Variants in LRRC4C observed in about 807,000 individuals in gnomAD.
LRRC4C encodes leucine-rich repeat-containing protein 4C.
LRRC4C carries 5 observed loss-of-function variants against 33.6 expected under a neutral mutation model. The ratio of observed to expected loss-of-function variants is 0.15; its 90% CI spans 0.08 to 0.31. LRRC4C has a LOEUF of 0.31. LRRC4C is among the 10% of genes least tolerant of loss of function. The probability of loss-of-function intolerance (pLI) is 1.00; values close to 1 mark genes in which losing one functional copy is unlikely to be tolerated. For synonymous variants in LRRC4C, 329 were observed against 302.0 expected, an observed-to-expected ratio of 1.09 and a Z score of -0.93; for missense variants, 560 against 796.7, an observed-to-expected ratio of 0.70 and a Z score of 3.58.
chr11:40,195,821 T>G (rs531407753), intron 5 of LRRC4C, among the ~76,000 whole-genome samples: 1 of 152,256 alleles, frequency 6.6e-6, no homozygotes, highest in Non-Finnish European at 1.5e-5. Flanking sequence ...TATACATAAT[T>G]TCTTAGAACT....
At chr11:40,319,340 G>C (rs1311800256) in intron 4 of LRRC4C, among the ~76,000 whole-genome samples, 4 of 152,150 alleles carry the variant, frequency 2.6e-5, no homozygotes, top group African/African-American at 9.7e-5. Flanking sequence ...CTCCACACTA[G>C]AAATTTCACA....
chr11:40,923,055 C>T (rs1957256064), intron 2 of LRRC4C, among the ~76,000 whole-genome samples: 1 of 152,122 alleles, frequency 6.6e-6, no homozygotes. Flanking sequence ...AAACTCCTGA[C>T]CTCAGGTGAT....
At chr11:40,340,188 A>G (rs1444467896) in intron 3 of LRRC4C, among the ~76,000 whole-genome samples, 20 of 152,166 alleles carry the variant, frequency 1.3e-4, no homozygotes, top group Non-Finnish European at 4.4e-5. Flanking sequence ...ATTTTCCAGC[A>G]TACAAAAACT....
intron 1 of LRRC4C, among the ~76,000 whole-genome samples, chr11:41,083,432 T>G (rs1316001273): frequency 2.0e-5 from 3 of 152,104 alleles, no homozygotes; most frequent in Non-Finnish European, 2.9e-5. Context: ...AACAGAAACA[T>G]TACACCGACT....
At chr11:40,236,066 G>A (rs1865530988) in intron 5 of LRRC4C, among the ~76,000 whole-genome samples, 1 of 151,680 alleles carries the variant, frequency 6.6e-6, no homozygotes, top group Non-Finnish European at 1.5e-5. Flanking sequence ...ACGGCTCACA[G>A]TGGGCATGGA....
chr11:40,765,994 C>G (rs1949431950), intron 2 of LRRC4C, among the ~76,000 whole-genome samples: 1 of 150,892 alleles, frequency 6.6e-6, no homozygotes, highest in Non-Finnish European at 1.5e-5. Flanking sequence ...GAACACCAAA[C>G]AGATTTAGCC....
At position 40,693,829 on chromosome 11, in the gene LRRC4C, G is replaced by A. The variant is rs933020755; in HGVS notation, c.-406-45551C>T. Among the ~76,000 whole-genome samples the A allele has an allele frequency of 5.9e-5, 9 of 152,034 alleles. No homozygotes were observed. The East Asian group carries it at 7.7e-4, about 13-fold the overall frequency. On this transcript the variant is annotated intron_variant, in intron 2 of 6. Coordinates refer to ENST00000528697, the MANE Select transcript of LRRC4C (RefSeq NM_001258419.2). ...AAAAGGTGAGTTGGAATGACACAAC[G>A]ACATAGTCTATTCTCCACCAGGGAG...
intron 3 of LRRC4C, among the ~76,000 whole-genome samples, chr11:40,560,442 T>TTGTGTGTG (rs66917448): frequency 0.021 from 3,208 of 149,394 alleles, 96 homozygotes; most frequent in African/African-American, 0.058. Context: ...GTGCCTGTGT[T>TTGTGTGTG]TGTGTGTGTG....
intron 1 of LRRC4C, among the ~76,000 whole-genome samples, chr11:40,953,902 A>G (rs1403659991): frequency 6.6e-6 from 1 of 151,922 alleles, no homozygotes; most frequent in African/African-American, 2.4e-5. Context: ...GGAACACTGC[A>G]TAATAGTGTA....
At chr11:41,050,267 A>G (rs2138109684) in intron 1 of LRRC4C, among the ~76,000 whole-genome samples, 1 of 152,302 alleles carries the variant, frequency 6.6e-6, no homozygotes, top group East Asian at 1.9e-4. Context: ...GTGTTAGTAT[A>G]TCCCTTAAAC....
At chr11:40,350,480 T>C (rs1183589446) in intron 3 of LRRC4C, among the ~76,000 whole-genome samples, 3 of 152,064 alleles carry the variant, frequency 2.0e-5, no homozygotes, top group Admixed American at 2.0e-4. Flanking sequence ...TACAATGATG[T>C]TTTGGTTACT....
At chr11:40,628,477 CA>C (rs1476040217) in intron 3 of LRRC4C, among the ~76,000 whole-genome samples, 2 of 124,870 alleles carry the variant, frequency 1.6e-5, no homozygotes, top group Admixed American at 8.8e-5. Context: ...GACTCCATCT[CA>C]AAAAAACAAA....
chr11:40,381,814 C>T (rs949144940), intron 3 of LRRC4C, among the ~76,000 whole-genome samples: 3 of 152,060 alleles, frequency 2.0e-5, no homozygotes, highest in African/African-American at 7.2e-5. Flanking sequence ...CTGAAGGTAT[C>T]ACTGGCTTGC....
chr11:40,396,705 G>A (rs1007011996), intron 3 of LRRC4C, among the ~76,000 whole-genome samples: 1 of 151,988 alleles, frequency 6.6e-6, no homozygotes, highest in South Asian at 2.1e-4. Flanking sequence ...AATAATAAAG[G>A]AAATAACATA....
chr11:41,309,207 C>A (rs1591228864), intron 1 of LRRC4C, among the ~76,000 whole-genome samples: 1 of 152,142 alleles, frequency 6.6e-6, no homozygotes, highest in African/African-American at 2.4e-5. Flanking sequence ...ACGCAGCCCG[C>A]AGTGACAATG....
chr11:41,194,098 T>C (rs544638957), intron 1 of LRRC4C, among the ~76,000 whole-genome samples: 7 of 152,102 alleles, frequency 4.6e-5, no homozygotes, highest in Non-Finnish European at 8.8e-5. Flanking sequence ...CACTTTTATT[T>C]CATGAATTGT....
At chr11:40,559,128 C>G (rs182602133) in intron 3 of LRRC4C, among the ~76,000 whole-genome samples, 13 of 149,358 alleles carry the variant, frequency 8.7e-5, no homozygotes, top group Admixed American at 2.7e-4. Flanking sequence ...TAGGTTGATT[C>G]AATTTGTTTG....
chr11:40,262,789 C>G (rs1365014117), intron 4 of LRRC4C, among the ~76,000 whole-genome samples: 2 of 152,024 alleles, frequency 1.3e-5, no homozygotes, highest in African/African-American at 4.8e-5. Flanking sequence ...AATGAGAACA[C>G]ATGGACACAG....
chr11:40,695,282 A>T (rs1945437634), intron 2 of LRRC4C, among the ~76,000 whole-genome samples: 1 of 152,056 alleles, frequency 6.6e-6, no homozygotes, highest in South Asian at 2.1e-4. Context: ...GACTAGTTTG[A>T]TCACTTACTT....
Sources: allele counts gnomAD v4.1 joint callset (sites outside exome capture counted in the v4.1 genomes callset), GRCh38; gene constraint gnomAD v4.1.1; transcripts MANE v1.5; gene names NCBI Gene and HGNC (gene_info 2026-07-23, HGNC 2026-07-21).